Variants in CUX1 observed in about 807,000 individuals in gnomAD.
The protein encoded by CUX1 is cut like homeobox 1.
A neutral mutation model predicts 158.8 loss-of-function variants in CUX1; 31 were observed. The ratio of observed to expected loss-of-function variants is 0.20; its 90% CI spans 0.15 to 0.26. The LOEUF is 0.26. CUX1 is among the 10% of genes least tolerant of loss of function. The pLI is 1.00. For synonymous variants in CUX1, 879 were observed against 862.1 expected, an observed-to-expected ratio of 1.02 and a Z score of -0.34; for missense variants, 1,589 against 2,014.6, an observed-to-expected ratio of 0.79 and a Z score of 4.04.
At chr7:102,158,116 C>G (rs7801220) in intron 8 of CUX1, among the ~76,000 whole-genome samples, 45,389 of 151,756 alleles carry the variant, frequency 0.3, 7,104 homozygotes, top group Middle Eastern at 0.36. Flanking sequence ...AGCTCCTCCT[C>G]TCACCCCCAG....
chr7:102,195,667 G>A (rs1400856474), intron 14 of CUX1, 64 bp downstream of exon 14: 37 of 1,429,854 alleles, frequency 2.6e-5, no homozygotes, highest in Non-Finnish European at 3.4e-5. Context: ...GGTCGAGGAC[G>A]AGGAAGGTGA....
chr7:101,967,132 G>A (rs1477873533), intron 2 of CUX1, among the ~76,000 whole-genome samples: 1 of 151,940 alleles, frequency 6.6e-6, no homozygotes. Context: ...TCTTGCCTCA[G>A]CCTCCTGAGT....
chr7:102,138,282 G>A (rs541089490), intron 8 of CUX1, among the ~76,000 whole-genome samples: 2 of 152,222 alleles, frequency 1.3e-5, no homozygotes, highest in Non-Finnish European at 2.9e-5. Flanking sequence ...ATTTTTATGG[G>A]TAAATTTGGC....
intron 3 of CUX1, among the ~76,000 whole-genome samples, chr7:102,046,035 A>G (rs1351098591): frequency 1.3e-5 from 2 of 152,238 alleles, no homozygotes; most frequent in Non-Finnish European, 2.9e-5. Flanking sequence ...AACTGAGTTG[A>G]AATGCACAAG....
In CUX1 at chr7:102,251,642, GAGAA is replaced by G. The variant is rs1269856344; in HGVS notation, c.*2601_*2604del. The G allele has an allele frequency of 1.8e-5, 18 of 985,308 alleles. No individual in the cohort carries two copies. Among genetic ancestry groups the G allele is most frequent in the Non-Finnish European group, 2.2e-5 (18 of 829,946 alleles). 61.0% of individuals were successfully genotyped at this position (985,308 alleles called of 1,614,324 possible). On this transcript the variant is annotated 3_prime_UTR_variant, in exon 24 of 24. Transcript: ENST00000292535. ...ACATCTAGCTCGATTCAGGTGCATT[GAGAA>G]GAGTGAGTTCACATCGGTGACCCTT...
At chr7:102,189,980 A>T in intron 12 of CUX1, 109 bp downstream of exon 12, 1 of 1,143,140 alleles carries the variant, frequency 8.7e-7, no homozygotes, top group Non-Finnish European at 1.3e-6. Flanking sequence ...CCTCTGGCTC[A>T]GCAGATGCCC....
At chr7:102,117,832 G>A (rs782215416) in intron 8 of CUX1, among the ~76,000 whole-genome samples, 1 of 152,218 alleles carries the variant, frequency 6.6e-6, no homozygotes, top group African/African-American at 2.4e-5. Flanking sequence ...GGTTCCGAAC[G>A]ATTTGCCTGT....
In CUX1 at chr7:102,035,483, T is replaced by C. The variant is rs149241059; in HGVS notation, c.189+7338T>C. 2.2e-3 allele frequency among the ~76,000 whole-genome samples: 333 copies of C among 152,076 alleles called. 1 individual carries two copies. The highest frequency in any genetic ancestry group is 7.7e-3 in the African/African-American group (319 of 41,508). Reference sequence around the variant, plus strand: ...TGACTATAATATTTTCAGCCTACAGTATAAGTATTGCAACAGAAGAAATCA... The same window carrying C: ...TGACTATAATATTTTCAGCCTACAGCATAAGTATTGCAACAGAAGAAATCA... On this transcript the variant is annotated intron_variant, in intron 3 of 23. Coordinates refer to ENST00000292535, the MANE Select transcript of CUX1 (RefSeq NM_181552.4).
intron 9 of CUX1, 79 bp from the exon 10 acceptor site, chr7:102,170,367 A>G (rs1265467300): frequency 6.0e-6 from 6 of 1,001,978 alleles, no homozygotes; most frequent in Non-Finnish European, 9.0e-6. Context: ...TCAGGCATGA[A>G]TTGATGAATG....
chr7:102,202,521 G>A (rs782400323), intron 18 of CUX1, among the ~76,000 whole-genome samples: 11 of 152,094 alleles, frequency 7.2e-5, no homozygotes, highest in Non-Finnish European at 1.6e-4. Flanking sequence ...GCTTGGGGAC[G>A]TTAACTACTT....
intron 2 of CUX1, among the ~76,000 whole-genome samples, chr7:102,004,058 T>G (rs892544541): frequency 3.3e-5 from 5 of 152,260 alleles, no homozygotes; most frequent in African/African-American, 1.2e-4. Flanking sequence ...CTTAACTTTT[T>G]TGTCTTCCTT....
intron 2 of CUX1, among the ~76,000 whole-genome samples, chr7:101,982,063 C>A (rs1358060372): frequency 6.6e-6 from 1 of 152,214 alleles, no homozygotes; most frequent in African/African-American, 2.4e-5. Flanking sequence ...ATGAGGTTGT[C>A]CAAGTCGATC....
At chr7:101,929,160 A>G (rs1303458712) in intron 2 of CUX1, among the ~76,000 whole-genome samples, 2 of 152,018 alleles carry the variant, frequency 1.3e-5, no homozygotes, top group Non-Finnish European at 2.9e-5. Flanking sequence ...TAGGCTACAG[A>G]GTGAGACTCC....
chr7:101,991,035 G>A (rs574300375), intron 2 of CUX1, among the ~76,000 whole-genome samples: 5 of 152,218 alleles, frequency 3.3e-5, no homozygotes, highest in South Asian at 2.1e-4. Flanking sequence ...TTGAACCAGC[G>A]CCCATAGATA....
In CUX1 at chr7:102,248,389, C is replaced by T. The variant is rs1554537710; in HGVS notation, c.3888-23C>T. On this transcript the variant is annotated intron_variant, in intron 23 of 23. Coordinates refer to ENST00000292535, the MANE Select transcript of CUX1 (RefSeq NM_181552.4). This position sits in a 1 kb window ranked among gnomAD's most constrained non-coding sequence, Gnocchi z 5.8. ...TTCCCCAGCAGCACCCCCCTCACGTCCCCGCCGCTTGTTGTCTTGTAGGTC... is the reference window on the plus strand; with the variant it reads ...TTCCCCAGCAGCACCCCCCTCACGTTCCCGCCGCTTGTTGTCTTGTAGGTC... 6.4e-7 allele frequency: 1 copy of T among 1,568,476 alleles called. No homozygotes were observed. Among genetic ancestry groups the T allele is most frequent in the Non-Finnish European group, 8.6e-7 (1 of 1,163,670 alleles).
chr7:101,836,791 G>A (rs2131099666), intron 1 of CUX1, among the ~76,000 whole-genome samples: 1 of 152,052 alleles, frequency 6.6e-6, no homozygotes, highest in South Asian at 2.1e-4. Context: ...TTGTCTGCCT[G>A]GAGACATGCC....
At chr7:102,206,293 C>G (rs575448252) in intron 20 of CUX1, among the ~76,000 whole-genome samples, 1 of 152,090 alleles carries the variant, frequency 6.6e-6, no homozygotes, top group African/African-American at 2.4e-5. Flanking sequence ...TCACCCGCGC[C>G]GTGGGTCTTC....
chr7:102,128,107 G>T (rs560879441), intron 8 of CUX1, among the ~76,000 whole-genome samples: 1 of 152,318 alleles, frequency 6.6e-6, no homozygotes, highest in East Asian at 1.9e-4. Context: ...AGAAGGGCTG[G>T]GATTACAGGC....
chr7:102,250,983 T>G lies in CUX1; in HGVS notation c.*1941T>G. On this transcript the variant is annotated 3_prime_UTR_variant, in exon 24 of 24. Transcript: ENST00000292535. The stretch of plus-strand genomic sequence containing the variant: ...TTCGGTATATATATATATTTTTTTT[T>G]GCTTATTTATAGGTGCTGTATTTTA... 2.1e-6 allele frequency: 2 copies of G among 957,098 alleles called. No homozygotes were observed. The highest frequency in any genetic ancestry group is 1.2e-6 in the Non-Finnish European group (1 of 804,236). 59.3% of individuals were successfully genotyped at this position (957,098 alleles called of 1,614,324 possible).
Sources: gnomAD v4.1 joint callset for allele counts (sites outside exome capture counted in the v4.1 genomes callset) on GRCh38, gnomAD v4.1.1 for gene constraint, Gnocchi (gnomAD v3.1) non-coding constraint, MANE v1.5 for transcripts, NCBI Gene and HGNC (gene_info 2026-07-23, HGNC 2026-07-21) for gene names.